The following ZNF385D variants were observed in gnomAD, a reference collection of about 807,000 sequenced individuals.
The protein encoded by ZNF385D is zinc finger protein 385D, also known as zinc finger protein 659.
Under a neutral mutation model 35.8 loss-of-function variants are expected in ZNF385D, and 15 were observed. The observed-to-expected ratio is 0.42, with a 90% confidence interval of 0.28 to 0.64. The LOEUF (loss-of-function observed/expected upper bound fraction) is 0.64, where lower values mean the gene tolerates loss of function less well. ZNF385D is among the 30% of genes least tolerant of loss of function. The probability of loss-of-function intolerance (pLI) is 0.23; values close to 1 mark genes in which losing one functional copy is unlikely to be tolerated. For synonymous variants in ZNF385D, 212 were observed against 186.8 expected, an observed-to-expected ratio of 1.13 and a Z score of -1.10; for missense variants, 474 against 494.6, an observed-to-expected ratio of 0.96 and a Z score of 0.39.
chr3:21,505,167 A>G lies in ZNF385D; in HGVS notation c.439+5694T>C, dbSNP rs139832638. Among the ~76,000 whole-genome samples the G allele has an allele frequency of 3.2e-3, 482 of 152,202 alleles. 1 individual carries two copies. Among genetic ancestry groups the G allele is most frequent in the Non-Finnish European group, 5.4e-3 (365 of 67,986 alleles). On this transcript the variant is annotated intron_variant, in intron 4 of 7. Coordinates refer to ENST00000281523, the MANE Select transcript of ZNF385D (RefSeq NM_024697.3). ...ATAAACGATGATGGTCAGGATGAGG[A>G]CTGGTTTTTTTCATTTGTTTGTTTG...
At chr3:21,818,726 T>C (rs1335218500) in intron 3 of ZNF385D, among the ~76,000 whole-genome samples, 2 of 152,102 alleles carry the variant, frequency 1.3e-5, no homozygotes, top group Admixed American at 1.3e-4. Context: ...TATTAGGTCA[T>C]ATGTTGATAA....
intron 1 of ZNF385D, among the ~76,000 whole-genome samples, chr3:21,668,115 A>C (rs929102338): frequency 1.3e-5 from 2 of 152,000 alleles, no homozygotes; most frequent in Non-Finnish European, 2.9e-5. Context: ...GATTCCCAGA[A>C]CCCCCTTCGG....
At chr3:21,645,930 A>G (rs748352680) in intron 2 of ZNF385D, among the ~76,000 whole-genome samples, 4 of 152,172 alleles carry the variant, frequency 2.6e-5, no homozygotes, top group African/African-American at 9.7e-5. Context: ...TTTAAAATTC[A>G]ATATAGATGA....
rs2070052887 is a variant in ZNF385D, at chr3:21,751,049, A to G, written c.-133T>C. 1 of 1,553,634 alleles carries G rather than the reference A, an allele frequency of 6.4e-7. No individual in the cohort carries two copies. The highest frequency in any genetic ancestry group is 8.7e-7 in the Non-Finnish European group (1 of 1,149,694). ...GGCGTGGAGAGCAGTGAGCGCCGAG[A>G]GCGTGCCTCCTCCGCGGGATGAGCG... On this transcript the variant is annotated 5_prime_UTR_variant, in exon 1 of 8. Transcript: ENST00000281523.
intron 2 of ZNF385D, among the ~76,000 whole-genome samples, chr3:22,363,145 G>C (rs1360803521): frequency 1.7e-5 from 2 of 117,606 alleles, no homozygotes; most frequent in Non-Finnish European, 3.6e-5. Context: ...TGGCAGCAGA[G>C]GGCAAGGTCT....
At chr3:22,029,994 G>T (rs1365462655) in intron 3 of ZNF385D, among the ~76,000 whole-genome samples, 6 of 151,738 alleles carry the variant, frequency 4.0e-5, no homozygotes, top group African/African-American at 1.5e-4. Context: ...GCTGGGGAAG[G>T]CAGACCCACC....
chr3:21,827,083 T>C (rs1037233122), intron 3 of ZNF385D, among the ~76,000 whole-genome samples: 2 of 152,178 alleles, frequency 1.3e-5, no homozygotes, highest in African/African-American at 4.8e-5. Flanking sequence ...AATAAATACC[T>C]ATTTTACATA....
intron 3 of ZNF385D, among the ~76,000 whole-genome samples, chr3:21,775,974 C>G (rs13078481): frequency 0.71 from 107,217 of 151,494 alleles, 38,115 homozygotes; most frequent in Non-Finnish European, 0.76. Context: ...CTTTCAGATA[C>G]TCAATTATAT....
chr3:22,085,438 C>T (rs1309322175), intron 3 of ZNF385D, among the ~76,000 whole-genome samples: 1 of 152,176 alleles, frequency 6.6e-6, no homozygotes, highest in African/African-American at 2.4e-5. Flanking sequence ...TCAGAGAATA[C>T]TATAAACACC....
intron 3 of ZNF385D, among the ~76,000 whole-genome samples, chr3:22,026,108 G>A (rs1486850761): frequency 6.6e-6 from 1 of 152,124 alleles, no homozygotes; most frequent in East Asian, 1.9e-4. Flanking sequence ...TTGATAGGAA[G>A]TGAAATTGTT....
chr3:22,278,944 G>A (rs1025007385), intron 2 of ZNF385D, among the ~76,000 whole-genome samples: 2 of 151,958 alleles, frequency 1.3e-5, no homozygotes, highest in African/African-American at 4.8e-5. Context: ...TACTCGCTGG[G>A]TTCCCTTACC....
intron 3 of ZNF385D, among the ~76,000 whole-genome samples, chr3:21,951,302 G>C (rs1559785266): frequency 6.6e-6 from 1 of 151,462 alleles, no homozygotes. Context: ...TATTCTCTTT[G>C]TAGCAATTGT....
At chr3:21,888,655 G>GA (rs1354124961) in intron 3 of ZNF385D, among the ~76,000 whole-genome samples, 6 of 152,136 alleles carry the variant, frequency 3.9e-5, no homozygotes, top group African/African-American at 1.4e-4. Flanking sequence ...GGCTAAAAAG[G>GA]AAACAGAAAA....
intron 3 of ZNF385D, among the ~76,000 whole-genome samples, chr3:21,912,287 C>A (rs1273073910): frequency 1.3e-5 from 2 of 149,604 alleles, no homozygotes; most frequent in African/African-American, 5.1e-5. Flanking sequence ...AAGTAGTTTA[C>A]CCATTTGTTG....
At chr3:22,140,987 A>C (rs1195305689) in intron 3 of ZNF385D, among the ~76,000 whole-genome samples, 5 of 152,242 alleles carry the variant, frequency 3.3e-5, no homozygotes, top group Non-Finnish European at 5.9e-5. Context: ...TGTTGAACTT[A>C]AACACAAATT....
intron 3 of ZNF385D, among the ~76,000 whole-genome samples, chr3:22,093,505 G>C (rs1465672018): frequency 6.6e-6 from 1 of 151,884 alleles, no homozygotes. Context: ...AATATTAAAG[G>C]TCTATTTATT....
intron 2 of ZNF385D, among the ~76,000 whole-genome samples, chr3:21,603,990 A>G (rs1196667303): frequency 6.6e-6 from 1 of 152,196 alleles, no homozygotes; most frequent in Non-Finnish European, 1.5e-5. Flanking sequence ...CAGTTCAATT[A>G]TAGAGAAGGA....
chr3:21,959,055 C>T (rs3821389), intron 3 of ZNF385D: 103,965 of 152,026 alleles, frequency 0.68, 36,701 homozygotes, highest in Non-Finnish European at 0.77. Flanking sequence ...CTATTTCATG[C>T]AGTTAATAAA....
intron 2 of ZNF385D, among the ~76,000 whole-genome samples, chr3:22,297,434 A>G (rs1411005330): frequency 6.6e-6 from 1 of 152,122 alleles, no homozygotes; most frequent in Non-Finnish European, 1.5e-5. Flanking sequence ...TACCTGGAGC[A>G]AAGTCTAGGC....
Sources: allele counts gnomAD v4.1 joint callset (sites outside exome capture counted in the v4.1 genomes callset), GRCh38; gene constraint gnomAD v4.1.1; transcripts MANE v1.5; gene names NCBI Gene and HGNC (gene_info 2026-07-23, HGNC 2026-07-21).